The following PCDHGA6 variants were observed in gnomAD, a reference collection of about 807,000 sequenced individuals.
PCDHGA6 encodes the protein protocadherin gamma subfamily A, 6.
PCDHGA6 carries 41 observed loss-of-function variants against 60.6 expected under a neutral mutation model. That is an observed-to-expected ratio of 0.68 (90% confidence interval 0.53 to 0.88). PCDHGA6 has a LOEUF of 0.88. Ranked by LOEUF, PCDHGA6 falls within the 40% of genes least tolerant of loss-of-function variation. PCDHGA6 has a pLI of 0.00. For synonymous variants in PCDHGA6, 594 were observed against 524.4 expected (o/e 1.13, Z -1.81); for missense variants, 1,312 against 1,203.0 (o/e 1.09, Z -1.34).
At chr5:141,447,535 G>C (rs1366016262) in intron 1 of PCDHGA6, among the ~76,000 whole-genome samples, 1 of 152,162 alleles carries the variant, frequency 6.6e-6, no homozygotes, top group African/African-American at 2.4e-5. Flanking sequence ...AAATTGTTGG[G>C]TTTTAATGTT....
In PCDHGA6 at chr5:141,472,878, C is replaced by T. The variant is rs774209715; in HGVS notation, c.2425-21929C>T. ...GCACATGCCTGTATTCCCAGCTACT[C>T]GGGAGGCTGAGGCAGGAGAATTGCT... On this transcript the variant is annotated intron_variant, in intron 1 of 3. Transcript: ENST00000517434. 6.8e-5 allele frequency among the ~76,000 whole-genome samples: 10 copies of T among 146,132 alleles called. 1 individual carries two copies. The highest frequency in any genetic ancestry group is 4.2e-4 in the East Asian group (2 of 4,758).
chr5:141,396,592 C>G (rs886214200), intron 1 of PCDHGA6: 3 of 151,870 alleles, frequency 2.0e-5, no homozygotes, highest in Admixed American at 2.0e-4. Context: ...TGCACTCCAG[C>G]CTGGGCAACA....
Position 141,476,443 on chromosome 5 carries a change from G to A in PCDHGA6, c.2425-18364G>A, listed in dbSNP as rs752285213. 1 of 1,614,044 alleles carries A rather than the reference G, an allele frequency of 6.2e-7. No individual in the cohort carries two copies. The highest frequency in any genetic ancestry group is 8.5e-7 in the Non-Finnish European group (1 of 1,180,038). ...TGCCCTCTTGCACTGTAACTCTGGAGTTGGTAGTGGAGAACCCGCTGGAGC... is the reference window on the plus strand; with the variant it reads ...TGCCCTCTTGCACTGTAACTCTGGAATTGGTAGTGGAGAACCCGCTGGAGC... On this transcript the variant is annotated intron_variant, in intron 1 of 3. Transcript: ENST00000517434. This position sits in a 1 kb window ranked among gnomAD's most constrained non-coding sequence, Gnocchi z 7.6.
At position 141,491,686 on chromosome 5, in the gene PCDHGA6, C is replaced by CG; in HGVS notation, c.2425-3118dup. 1 of 1,612,970 alleles carries CG rather than the reference C, an allele frequency of 6.2e-7. No individual in the cohort carries two copies. The highest frequency in any genetic ancestry group is 2.2e-5 in the East Asian group (1 of 44,838). ...CATCCGGTCCCGCTCTAATACGCTG[C>CG]GGGAGCGGAGCCAGGTGAGGGGCTC... On this transcript the variant is annotated intron_variant, in intron 1 of 3. Transcript: ENST00000517434. The surrounding 1 kb of genome is among the most constrained non-coding windows in gnomAD (Gnocchi z 6.9).
intron 1 of PCDHGA6, chr5:141,422,847 C>G (rs1271794821): frequency 7.4e-6 from 12 of 1,614,234 alleles, no homozygotes; most frequent in Non-Finnish European, 1.0e-5. Context: ...ACAGCGGGGA[C>G]CCGCCCCTCA....
Position 141,431,420 on chromosome 5 carries a change from G to C in PCDHGA6, c.2424+54913G>C, listed in dbSNP as rs780266425. The C allele has an allele frequency of 8.1e-6, 13 of 1,613,592 alleles. No individual in the cohort carries two copies. Among genetic ancestry groups the C allele is most frequent in the East Asian group, 2.2e-5 (1 of 44,902 alleles). ...TACGGCCTCCGACGGGGGCGACCCG[G>C]TGCGCACAGGCACCGCGCGCATCCG... is the stretch of plus-strand genomic sequence containing the variant. On this transcript the variant is annotated intron_variant, in intron 1 of 3. Transcript: ENST00000517434. This position sits in a 1 kb window ranked among gnomAD's most constrained non-coding sequence, Gnocchi z 4.8.
At chr5:141,444,152 A>ATTTTT (rs747671382) in intron 1 of PCDHGA6, among the ~76,000 whole-genome samples, 10 of 33,898 alleles carry the variant, frequency 3.0e-4, no homozygotes, top group Middle Eastern at 0.019. Context: ...TGTGTACTGG[A>ATTTTT]TTTTTTTTTT....
At chr5:141,509,720 A>G (rs916316577) in intron 3 of PCDHGA6, among the ~76,000 whole-genome samples, 6 of 151,974 alleles carry the variant, frequency 3.9e-5, no homozygotes, top group Admixed American at 3.3e-4. Context: ...GTCTGATGTC[A>G]CCTAGCTGTG....
chr5:141,445,576 G>A (rs1459010134), intron 1 of PCDHGA6, among the ~76,000 whole-genome samples: 1 of 152,158 alleles, frequency 6.6e-6, no homozygotes, highest in Non-Finnish European at 1.5e-5. Flanking sequence ...TTATAGTAGG[G>A]AAGCTTCGCC....
Position 141,485,495 on chromosome 5 carries a change from T to C in PCDHGA6, c.2425-9312T>C. 1 of 1,613,494 alleles carries C rather than the reference T, an allele frequency of 6.2e-7. No homozygotes were observed. Among genetic ancestry groups the C allele is most frequent in the African/African-American group, 1.3e-5 (1 of 74,780 alleles). On this transcript the variant is annotated intron_variant, in intron 1 of 3. Coordinates refer to ENST00000517434, the MANE Select transcript of PCDHGA6 (RefSeq NM_018919.3). This position sits in a 1 kb window ranked among gnomAD's most constrained non-coding sequence, Gnocchi z 5.7. ...TGCCAGCTGCATCGTGCCCCTGGAG[T>C]TTGTCACCGAAGGTCCTTTGGAAAT...
chr5:141,425,943 C>T (rs2096904576), intron 1 of PCDHGA6, among the ~76,000 whole-genome samples: 1 of 152,220 alleles, frequency 6.6e-6, no homozygotes, highest in African/African-American at 2.4e-5. Flanking sequence ...TGTCTAGTTT[C>T]CTATACATTA....
intron 1 of PCDHGA6, among the ~76,000 whole-genome samples, chr5:141,450,467 T>G (rs997813636): frequency 1.3e-5 from 2 of 151,944 alleles, no homozygotes; most frequent in African/African-American, 2.4e-5. Flanking sequence ...ATTTTATATA[T>G]AGAGTTTGTT....
chr5:141,392,931 G>A (rs2092632355), intron 1 of PCDHGA6: 2 of 1,613,802 alleles, frequency 1.2e-6, no homozygotes, highest in Admixed American at 1.7e-5. Context: ...AGAAGAGACG[G>A]ACAAAGGCTC....
intron 1 of PCDHGA6, chr5:141,419,383 C>A (rs1354675466): frequency 6.2e-7 from 1 of 1,613,698 alleles, no homozygotes; most frequent in South Asian, 1.1e-5. Context: ...TGTCCGTGAG[C>A]GCGCAGAGCG....
Position 141,477,203 on chromosome 5 carries a change from G to A in PCDHGA6, c.2425-17604G>A. The A allele has an allele frequency of 6.2e-7, 1 of 1,614,176 alleles. No individual in the cohort carries two copies. The highest frequency in any genetic ancestry group is 8.5e-7 in the Non-Finnish European group (1 of 1,180,050). ...CACCTCCGTGTACAGCCCAGTACCC[G>A]AGGATGCCCCTCTGGGGACTGTCAT... On this transcript the variant is annotated intron_variant, in intron 1 of 3. Coordinates refer to ENST00000517434, the MANE Select transcript of PCDHGA6 (RefSeq NM_018919.3). This position sits in a 1 kb window ranked among gnomAD's most constrained non-coding sequence, Gnocchi z 4.9.
At chr5:141,387,533 C>A (rs2090979640) in intron 1 of PCDHGA6, among the ~76,000 whole-genome samples, 1 of 152,192 alleles carries the variant, frequency 6.6e-6, no homozygotes, top group African/African-American at 2.4e-5. Flanking sequence ...GACGTATCCA[C>A]GTAGTTTTTG....
chr5:141,488,672 G>A (rs1012955473), intron 1 of PCDHGA6, among the ~76,000 whole-genome samples: 20 of 152,208 alleles, frequency 1.3e-4, no homozygotes, highest in African/African-American at 4.8e-4. Context: ...GAATACATGG[G>A]CTTTGCCTCT....
Position 141,486,791 on chromosome 5 carries a change from C to G in PCDHGA6, c.2425-8016C>G. On this transcript the variant is annotated intron_variant, in intron 1 of 3. Coordinates refer to ENST00000517434, the MANE Select transcript of PCDHGA6 (RefSeq NM_018919.3). The surrounding 1 kb of genome is among the most constrained non-coding windows in gnomAD (Gnocchi z 5.0). ...GCAGTTTGAGGTGCAGGCCCGGGAT[C>G]GGGGCAACCCACCCCTTAGCAGCAC... The G allele has an allele frequency of 1.9e-6, 3 of 1,614,224 alleles. No individual in the cohort carries two copies. The highest frequency in any genetic ancestry group is 2.5e-6 in the Non-Finnish European group (3 of 1,180,046).
intron 1 of PCDHGA6, chr5:141,400,209 G>A: frequency 6.2e-7 from 1 of 1,614,052 alleles, no homozygotes; most frequent in South Asian, 1.1e-5. Context: ...CCTTGGCCTT[G>A]ATCTCAGTGC....
Sources: allele counts gnomAD v4.1 joint callset (sites outside exome capture counted in the v4.1 genomes callset), GRCh38; gene constraint gnomAD v4.1.1; non-coding constraint Gnocchi (gnomAD v3.1); transcripts MANE v1.5; gene names NCBI Gene and HGNC (gene_info 2026-07-23, HGNC 2026-07-21).